The following LTBP4 variants were observed in gnomAD, a reference collection of about 807,000 sequenced individuals.
LTBP4 encodes latent transforming growth factor beta binding protein 4.
Under a neutral mutation model 180.2 loss-of-function variants are expected in LTBP4, and 93 were observed. The ratio of observed to expected loss-of-function variants is 0.52; its 90% CI spans 0.44 to 0.61. The LOEUF (loss-of-function observed/expected upper bound fraction) is 0.61, where lower values mean the gene tolerates loss of function less well. Among genes scored for constraint, LTBP4 ranks in the 20% least tolerant of loss-of-function variants. The pLI is 0.00. For synonymous variants in LTBP4, 947 were observed against 934.5 expected (o/e 1.01, Z -0.24); for missense variants, 2,116 against 2,256.5 (o/e 0.94, Z 1.26).
rs547073828 is a variant in LTBP4, at chr19:40,605,705, C to T, written c.691-24C>T. 1.2e-5 allele frequency: 19 copies of T among 1,547,252 alleles called. No homozygotes were observed. Among genetic ancestry groups the T allele is most frequent in the Non-Finnish European group, 1.7e-5 (19 of 1,146,230 alleles). On this transcript the variant is annotated intron_variant, in intron 3 of 29. Coordinates refer to ENST00000396819, the MANE Select transcript of LTBP4 (RefSeq NM_001042545.2). The surrounding 1 kb of genome is among the most constrained non-coding windows in gnomAD (Gnocchi z 5.5). The stretch of plus-strand genomic sequence containing the variant: ...CGGAGCTTGCCTCCGCGCGGGGGCG[C>T]GCTCACCCAACACTTCCCCGCAGTG...
intron 19 of LTBP4, chr19:40,615,422 T>C (rs1375820667): frequency 6.6e-6 from 1 of 152,192 alleles, no homozygotes; most frequent in Non-Finnish European, 1.5e-5. Context: ...ACCCCTGCCT[T>C]CCTGGAGTTA....
chr19:40,629,505 C>T lies in LTBP4; in HGVS notation c.4629C>T (p.Pro1543=), dbSNP rs2081662335. The T allele has an allele frequency of 6.3e-7, 1 of 1,599,446 alleles. No homozygotes were observed. Among genetic ancestry groups the T allele is most frequent in the Non-Finnish European group, 8.5e-7 (1 of 1,171,464 alleles). The change falls in exon 30 of 30, where the codon CCC becomes CCT. Residue 1543 remains proline (P), a synonymous_variant. Coordinates refer to ENST00000396819, the MANE Select transcript of LTBP4 (RefSeq NM_001042545.2). The surrounding 1 kb of genome is among the most constrained non-coding windows in gnomAD (Gnocchi z 4.5). ...FRCICRPGFA[P]THQPHHCAPA... ...GCATCTGCCGCCCGGGATTCGCACCCACGCACCAGCCGCACCACTGTGCGC... is the reference window on the plus strand; with the variant it reads ...GCATCTGCCGCCCGGGATTCGCACCTACGCACCAGCCGCACCACTGTGCGC...
chr19:40,616,842 T>C, intron 19 of LTBP4, 47 bp from the exon 20 acceptor site: 2 of 1,607,970 alleles, frequency 1.2e-6, no homozygotes, highest in Non-Finnish European at 1.7e-6. Flanking sequence ...TTAGAACTTC[T>C]GAATTCAGGC....
At chr19:40,628,034 C>T (rs922621048) in intron 29 of LTBP4, among the ~76,000 whole-genome samples, 177 bp downstream of exon 29, 2 of 152,186 alleles carry the variant, frequency 1.3e-5, no homozygotes, top group African/African-American at 4.8e-5. Flanking sequence ...CTGAAGAAGG[C>T]GGAGTCAGGG....
intron 29 of LTBP4, 80 bp downstream of exon 29, chr19:40,627,937 G>A: frequency 6.7e-7 from 1 of 1,485,590 alleles, no homozygotes; most frequent in Non-Finnish European, 9.0e-7. Flanking sequence ...ACTAGGGGGT[G>A]CTGGTCAGGG....
rs747120364 is a variant in LTBP4, at chr19:40,629,580, G to T, written c.*30G>T. 36 of 1,351,210 alleles carry T rather than the reference G, an allele frequency of 2.7e-5. No homozygotes were observed. The highest frequency in any genetic ancestry group is 3.1e-5 in the Non-Finnish European group (33 of 1,055,076). The allele number at this position is 1,351,210 out of a possible 1,614,324, so 83.7% of individuals were successfully genotyped here. A position where few individuals can be genotyped will look rare whatever the true frequency, so the allele number is the denominator to read the frequency against. On this transcript the variant is annotated 3_prime_UTR_variant, in exon 30 of 30. Transcript: ENST00000396819. The surrounding 1 kb of genome is among the most constrained non-coding windows in gnomAD (Gnocchi z 4.5). Reference sequence around the variant, plus strand: ...TGGCACCCGCTGGCCGCCCACCCGCGCCCGCCACTCGGGGCCCCTGCCGCG... The same window carrying T: ...TGGCACCCGCTGGCCGCCCACCCGCTCCCGCCACTCGGGGCCCCTGCCGCG...
At chr19:40,627,997 T>C in intron 29 of LTBP4, 140 bp downstream of exon 29, 1 of 1,209,884 alleles carries the variant, frequency 8.3e-7, no homozygotes, top group Non-Finnish European at 1.1e-6. Flanking sequence ...AAGGGAGGAG[T>C]AATTCTTCCA....
chr19:40,629,467 G>A lies in LTBP4; in HGVS notation c.4591G>A (p.Gly1531Ser), dbSNP rs776904807. 5.0e-5 allele frequency: 80 copies of A among 1,610,322 alleles called. No homozygotes were observed. Among genetic ancestry groups the A allele is most frequent in the Non-Finnish European group, 6.6e-5 (78 of 1,177,884 alleles). The change falls in exon 30 of 30, where the codon GGC becomes AGC. Residue 1531 changes from glycine (G) to serine (S), a missense_variant. Gly to Ser is a moderately conservative substitution (Grantham distance 56). Transcript: ENST00000396819. The surrounding 1 kb of genome is among the most constrained non-coding windows in gnomAD (Gnocchi z 4.5). ...CVNARCLNTDGSFRCICRPGF... is the reference protein window; with the variant it reads ...CVNARCLNTDSSFRCICRPGF... Reference sequence around the variant, plus strand: ...CAACGCGCGTTGCCTCAACACGGATGGCTCCTTCCGCTGCATCTGCCGCCC... The same window carrying A: ...CAACGCGCGTTGCCTCAACACGGATAGCTCCTTCCGCTGCATCTGCCGCCC...
intron 6 of LTBP4, among the ~76,000 whole-genome samples, chr19:40,606,780 C>T (rs529742683): frequency 6.6e-6 from 1 of 152,292 alleles, no homozygotes; most frequent in East Asian, 1.9e-4. Context: ...TGGAGTCTCG[C>T]TCTGTCGCCC....
intron 22 of LTBP4, 58 bp downstream of exon 22, chr19:40,619,551 G>A: frequency 6.5e-7 from 1 of 1,533,796 alleles, no homozygotes; most frequent in East Asian, 2.3e-5. Context: ...AAATCACGTG[G>A]TCTAATCATT....
rs1599877197 is a variant in LTBP4, at chr19:40,624,038, A to C, written c.3788A>C (p.Asp1263Ala). The C allele has an allele frequency of 1.3e-6, 2 of 1,599,644 alleles. No individual in the cohort carries two copies. The highest frequency in any genetic ancestry group is 3.3e-4 in the Middle Eastern group (2 of 5,978). The change falls in exon 26 of 30, where the codon GAT (aspartate) becomes GCT (alanine). Residue 1263 changes from aspartate (D) to alanine (A), a missense_variant. By Grantham distance (126) the Asp-to-Ala change is moderately radical. Around this residue, in one of 5 missense-constraint regions of LTBP4, gnomAD observed 488 missense variants for 458.8 expected, o/e 1.06. Coordinates refer to ENST00000396819, the MANE Select transcript of LTBP4 (RefSeq NM_001042545.2). ...HCTCEPPLVLDGSQRRCVSNE... is the reference protein window; with the variant it reads ...HCTCEPPLVLAGSQRRCVSNE... Reference sequence around the variant, plus strand: ...ACCTGCGAGCCCCCACTGGTGCTGGATGGCTCGCAGCGCCGCTGCGTCTCC... The same window carrying C: ...ACCTGCGAGCCCCCACTGGTGCTGGCTGGCTCGCAGCGCCGCTGCGTCTCC...
chr19:40,616,966 T>C lies in LTBP4; in HGVS notation c.2890T>C (p.Cys964Arg). The C allele has an allele frequency of 6.2e-7, 1 of 1,614,032 alleles. No homozygotes were observed. Among genetic ancestry groups the C allele is most frequent in the Non-Finnish European group, 8.5e-7 (1 of 1,179,890 alleles). Residue 964 changes from cysteine to arginine, a missense_variant, in exon 20 of 30, where the codon TGC becomes CGC. Physicochemically the swap from Cys to Arg is radical, Grantham distance 180 (BLOSUM62 -3). Coordinates refer to ENST00000396819, the MANE Select transcript of LTBP4 (RefSeq NM_001042545.2). ...TGAGAACACCCCTGGCTCCTACCGC[T>C]GCACACCAGCCTGTGACCCTGGCTA... The part of the protein sequence containing the change: ...RCENTPGSYR[C>R]TPACDPGYQP...
intron 26 of LTBP4, among the ~76,000 whole-genome samples, chr19:40,624,505 T>A (rs2081610674): frequency 6.6e-6 from 1 of 152,218 alleles, no homozygotes. Flanking sequence ...ACGATTCTCC[T>A]GCCTCAGGCT....
chr19:40,594,302 T>A (rs1284272963), intron 1 of LTBP4, among the ~76,000 whole-genome samples: 1 of 151,792 alleles, frequency 6.6e-6, no homozygotes, highest in Non-Finnish European at 1.5e-5. Context: ...ACTAGAACTC[T>A]GAGGGATTCT....
In LTBP4 at chr19:40,611,027, G is replaced by A; in HGVS notation, c.1811-125G>A. 1 of 1,330,762 alleles carries A rather than the reference G, an allele frequency of 7.5e-7. No individual in the cohort carries two copies. The highest frequency in any genetic ancestry group is 1.0e-6 in the Non-Finnish European group (1 of 957,974). The allele number at this position is 1,330,762 out of a possible 1,614,324, so 82.4% of individuals were successfully genotyped here. A position where few individuals can be genotyped will look rare whatever the true frequency, so the allele number is the denominator to read the frequency against. ...ATTGGTGGAGGATGCAGAGTCAGAT[G>A]ATGGTGACAAGGAGGAATAGAGATG... On this transcript the variant is annotated intron_variant, in intron 12 of 29. Coordinates refer to ENST00000396819, the MANE Select transcript of LTBP4 (RefSeq NM_001042545.2). The surrounding 1 kb of genome is among the most constrained non-coding windows in gnomAD (Gnocchi z 4.4).
intron 27 of LTBP4, among the ~76,000 whole-genome samples, chr19:40,626,289 C>G (rs1227371995): frequency 6.6e-6 from 1 of 152,208 alleles, no homozygotes; most frequent in Non-Finnish European, 1.5e-5. Flanking sequence ...AGCTCCTGGT[C>G]TCTAGAACCA....
At position 40,605,304 on chromosome 19, in the gene LTBP4, C is replaced by A. The variant is rs554649138; in HGVS notation, c.442+78C>A. 1 of 1,563,618 alleles carries A rather than the reference C, an allele frequency of 6.4e-7. No individual in the cohort carries two copies. Among genetic ancestry groups the A allele is most frequent in the Non-Finnish European group, 8.7e-7 (1 of 1,152,524 alleles). On this transcript the variant is annotated intron_variant, in intron 2 of 29. Transcript: ENST00000396819. This position sits in a 1 kb window ranked among gnomAD's most constrained non-coding sequence, Gnocchi z 5.5. ...TGCCCCTGACCCTCATATTTCCCGC[C>A]TTCCCGAGCACCTTTGCCCAGCTCG...
At chr19:40,601,844 G>C (rs1191883522) in intron 1 of LTBP4, among the ~76,000 whole-genome samples, 2 of 152,146 alleles carry the variant, frequency 1.3e-5, no homozygotes, top group African/African-American at 4.8e-5. Flanking sequence ...AAGCAATGAG[G>C]GTTCTTAGAG....
chr19:40,612,128 G>T lies in LTBP4; in HGVS notation c.2235G>T (p.Ser745=). Reference sequence around the variant, plus strand: ...GCCCTGGGCAGGAGTGTGTGAACTCGCCCGGCTCCTTCCAGTGCAGGACCT... The same window carrying T: ...GCCCTGGGCAGGAGTGTGTGAACTCTCCCGGCTCCTTCCAGTGCAGGACCT... ...LACPGQECVN[S]PGSFQCRTCP... is the part of the protein sequence containing the mutation. The change falls in exon 15 of 30, where the codon TCG becomes TCT. Residue 745 remains serine, a synonymous_variant. Coordinates refer to ENST00000396819, the MANE Select transcript of LTBP4 (RefSeq NM_001042545.2). 1.2e-6 allele frequency: 2 copies of T among 1,613,374 alleles called. No homozygotes were observed. The highest frequency in any genetic ancestry group is 8.5e-7 in the Non-Finnish European group (1 of 1,179,678).
Sources: allele counts gnomAD v4.1 joint callset (sites outside exome capture counted in the v4.1 genomes callset), GRCh38; gene constraint gnomAD v4.1.1; regional missense constraint gnomAD v4.1.1; non-coding constraint Gnocchi (gnomAD v3.1); transcripts MANE v1.5; gene names NCBI Gene and HGNC (gene_info 2026-07-23, HGNC 2026-07-21).